The following ZNF138 variants were observed in gnomAD, a reference collection of about 807,000 sequenced individuals.
ZNF138 encodes zinc finger protein 138 (clone pHZ-32).
In ZNF138, 33 loss-of-function variants were observed where a neutral mutation model predicts 33.0. The observed-to-expected ratio is 1.00, with a 90% CI of 0.76 to 1.34. ZNF138 has a LOEUF of 1.34. Among genes scored for constraint, ZNF138 ranks in the 40% most tolerant of loss-of-function variants. ZNF138 has a pLI of 0.00. For synonymous variants in ZNF138, 139 were observed against 120.4 expected, an observed-to-expected ratio of 1.15 and a Z score of -1.01; for missense variants, 360 against 370.8, an observed-to-expected ratio of 0.97 and a Z score of 0.24.
At chr7:64,813,648 A>G (rs1200910996) in intron 1 of ZNF138, among the ~76,000 whole-genome samples, 1 of 151,944 alleles carries the variant, frequency 6.6e-6, no homozygotes, top group Non-Finnish European at 1.5e-5. Context: ...GTTAGCCAGG[A>G]TGGTGTCGAT....
chr7:64,815,139 G>A, intron 2 of ZNF138, 95 bp downstream of exon 2: 1 of 1,220,038 alleles, frequency 8.2e-7, no homozygotes, highest in Non-Finnish European at 1.1e-6. Flanking sequence ...TTTATGCTTT[G>A]CATAAATGAG....
chr7:64,804,301 G>A (rs944299336), intron 1 of ZNF138, among the ~76,000 whole-genome samples: 3 of 152,224 alleles, frequency 2.0e-5, no homozygotes, highest in South Asian at 2.1e-4. Context: ...GTTCTGTTCC[G>A]TTCTAATTAC....
At chr7:64,831,303 T>G in intron 3 of ZNF138, 148 bp from the exon 4 acceptor site, 2 of 933,868 alleles carry the variant, frequency 2.1e-6, no homozygotes, top group South Asian at 3.6e-5. Flanking sequence ...TTTGTTACAT[T>G]TATATGTCTA....
chr7:64,831,427 TTTG>T (rs1790068995), intron 3 of ZNF138, 21 bp from the exon 4 acceptor site: 1 of 1,506,286 alleles, frequency 6.6e-7, no homozygotes, highest in African/African-American at 1.4e-5. Flanking sequence ...GGTGGAGTAA[TTTG>T]TTATTTTTTG....
chr7:64,847,315 C>A, the ZNF138 span, among the ~76,000 whole-genome samples: 1 of 104,202 alleles, frequency 9.6e-6, no homozygotes. Context: ...TCTTCTAATA[C>A]ATATATATAT....
intron 3 of ZNF138, among the ~76,000 whole-genome samples, chr7:64,821,526 A>T (rs1789144711): frequency 6.6e-6 from 1 of 151,354 alleles, no homozygotes; most frequent in Admixed American, 6.6e-5. Context: ...TTCTAAATCA[A>T]GTTATTCAAC....
At chr7:64,802,172 A>G (rs1262522085) in intron 1 of ZNF138, among the ~76,000 whole-genome samples, 1 of 152,142 alleles carries the variant, frequency 6.6e-6, no homozygotes, top group Non-Finnish European at 1.5e-5. Context: ...GCTATAGGCA[A>G]ATTTACACAT....
At chr7:64,806,577 A>AAATC (rs1554364414) in intron 1 of ZNF138, among the ~76,000 whole-genome samples, 5 of 151,876 alleles carry the variant, frequency 3.3e-5, no homozygotes, top group South Asian at 4.2e-4. Context: ...AGATTTGGGG[A>AAATC]AAACAAACAA....
At chr7:64,796,877 T>C (rs756999789) in intron 1 of ZNF138, among the ~76,000 whole-genome samples, 1 of 152,142 alleles carries the variant, frequency 6.6e-6, no homozygotes, top group Non-Finnish European at 1.5e-5. Context: ...ACCCCATCTC[T>C]ACTAAAAATA....
chr7:64,828,832 A>G (rs919874819), intron 3 of ZNF138, among the ~76,000 whole-genome samples: 3 of 151,448 alleles, frequency 2.0e-5, no homozygotes, highest in African/African-American at 7.3e-5. Flanking sequence ...TCGACATTTT[A>G]TATACCTTTG....
At chr7:64,805,271 T>C (rs6964765) in intron 1 of ZNF138, among the ~76,000 whole-genome samples, 149,834 of 152,196 alleles carry the variant, frequency 0.98, 73,797 homozygotes, top group East Asian at 1. Flanking sequence ...TGGTGGCAGG[T>C]GCCTGTAATC....
At chr7:64,825,287 C>T (rs1789494792) in intron 3 of ZNF138, among the ~76,000 whole-genome samples, 1 of 146,900 alleles carries the variant, frequency 6.8e-6, no homozygotes, top group African/African-American at 2.5e-5. Context: ...ATTCTTCTGC[C>T]TCAGCCTCCC....
rs139436924 is a variant in ZNF138, at chr7:64,823,336, T to C, written c.208+7683T>C. On this transcript the variant is annotated intron_variant, in intron 3 of 3. Transcript: ENST00000307355. ...CACAGTGTATGATTTTGGTTTTAAA[T>C]GCATTTGTTGCTGTTTTGAGATGGG... is the stretch of plus-strand genomic sequence containing the variant. Among the ~76,000 whole-genome samples, 719 of 152,156 alleles carry C rather than the reference T, an allele frequency of 4.7e-3. 4 individuals carry two copies. The highest frequency in any genetic ancestry group is 5.9e-3 in the Non-Finnish European group (399 of 68,008).
At chr7:64,819,648 C>T (rs936628901) in intron 3 of ZNF138, among the ~76,000 whole-genome samples, 6 of 152,096 alleles carry the variant, frequency 3.9e-5, no homozygotes, top group African/African-American at 9.7e-5. Context: ...GGATTACAAG[C>T]GGCAGCCACC....
At chr7:64,799,589 G>C (rs1003249072) in intron 1 of ZNF138, among the ~76,000 whole-genome samples, 1 of 151,980 alleles carries the variant, frequency 6.6e-6, no homozygotes, top group African/African-American at 2.4e-5. Flanking sequence ...CTGTATTCCT[G>C]GATGTTTTAT....
At chr7:64,847,315 C>CATATAT in the ZNF138 span, among the ~76,000 whole-genome samples, 12,989 of 103,562 alleles carry the variant, frequency 0.13, 1,119 homozygotes, top group South Asian at 0.19. Context: ...TCTTCTAATA[C>CATATAT]ATATATATAT....
chr7:64,809,393 T>C (rs193025717), intron 1 of ZNF138, among the ~76,000 whole-genome samples: 4,305 of 4,948 alleles, frequency 0.87, 2,072 homozygotes, highest in Middle Eastern at 1. Context: ...GGCAGCCGGT[T>C]AGAGGCGCCC....
chr7:64,849,637 G>A, the ZNF138 span, among the ~76,000 whole-genome samples: 8 of 151,986 alleles, frequency 5.3e-5, no homozygotes, highest in East Asian at 1.9e-4. Context: ...GGAAGTGGGG[G>A]TGTGGTTCTC....
intron 1 of ZNF138, among the ~76,000 whole-genome samples, chr7:64,803,813 AAGTTACT>A (rs1339862835): frequency 3.9e-5 from 6 of 152,188 alleles, no homozygotes; most frequent in African/African-American, 7.2e-5. Flanking sequence ...CTAATCAAAA[AAGTTACT>A]ATCAAATTAT....
Sources: allele counts gnomAD v4.1 joint callset (sites outside exome capture counted in the v4.1 genomes callset), GRCh38; gene constraint gnomAD v4.1.1; transcripts MANE v1.5; gene names NCBI Gene and HGNC (gene_info 2026-07-23, HGNC 2026-07-21).